The following SPDYE10 variants were observed in gnomAD, a reference collection of about 807,000 sequenced individuals.
SPDYE10 encodes the protein speedy/RINGO cell cycle regulator family member E10.
chr7:73,137,480 C>G, the SPDYE10 span, among the ~76,000 whole-genome samples: 1 of 148,554 alleles, frequency 6.7e-6, no homozygotes, highest in Non-Finnish European at 1.5e-5. Flanking sequence ...CAAGATCGTG[C>G]TGCTGCACTC....
the SPDYE10 span, among the ~76,000 whole-genome samples, chr7:73,137,844 G>T: frequency 1.3e-5 from 1 of 78,084 alleles, no homozygotes; most frequent in Non-Finnish European, 2.5e-5. Context: ...GGGAGGGGAA[G>T]GAGAGGAGAA....
the SPDYE10 span, among the ~76,000 whole-genome samples, chr7:73,149,357 A>G: frequency 7.4e-6 from 1 of 135,994 alleles, no homozygotes; most frequent in South Asian, 2.6e-4. Flanking sequence ...GCGCAATCTC[A>G]GCTCACTGCA....
At chr7:73,138,531 A>T in the SPDYE10 span, among the ~76,000 whole-genome samples, 1 of 147,988 alleles carries the variant, frequency 6.8e-6, no homozygotes, top group Non-Finnish European at 1.5e-5. Context: ...GGCGCGCACC[A>T]CCACGCCCAG....
chr7:73,151,983 C>T, the SPDYE10 span, among the ~76,000 whole-genome samples: 1 of 151,218 alleles, frequency 6.6e-6, no homozygotes, highest in African/African-American at 2.4e-5. Flanking sequence ...TTTGTTTCAC[C>T]TGCTTTTTTT....
At chr7:73,114,764 C>A in the SPDYE10 span, among the ~76,000 whole-genome samples, 20 of 150,342 alleles carry the variant, frequency 1.3e-4, no homozygotes, top group Non-Finnish European at 2.1e-4. Context: ...TCTTGAACTC[C>A]CAAGCTCAAA....
the SPDYE10 span, among the ~76,000 whole-genome samples, chr7:73,127,328 A>G: frequency 7.5e-5 from 7 of 93,202 alleles, no homozygotes; most frequent in Non-Finnish European, 1.3e-4. Flanking sequence ...ATGTGGGCAG[A>G]TCAGCAGAGG....
At chr7:73,130,443 TTTTA>T in the SPDYE10 span, among the ~76,000 whole-genome samples, 5 of 152,024 alleles carry the variant, frequency 3.3e-5, no homozygotes, top group Non-Finnish European at 7.4e-5. Context: ...ATTTTGTTTG[TTTTA>T]TTTATTTAGT....
chr7:73,143,030 G>A, the SPDYE10 span, among the ~76,000 whole-genome samples: 238 of 137,744 alleles, frequency 1.7e-3, no homozygotes, highest in African/African-American at 4.9e-3. Flanking sequence ...AAGGAAGGAA[G>A]GAAAGAAGGA....
the SPDYE10 span, among the ~76,000 whole-genome samples, chr7:73,141,070 C>CCA: frequency 0.04 from 5,455 of 135,536 alleles, 41 homozygotes; most frequent in Non-Finnish European, 0.049. Flanking sequence ...TCCATTTCTA[C>CCA]CACACACACA....
the SPDYE10 span, among the ~76,000 whole-genome samples, chr7:73,114,087 AG>A: frequency 7.9e-6 from 1 of 126,824 alleles, no homozygotes; most frequent in Admixed American, 8.4e-5. Flanking sequence ...GCTACTCGGG[AG>A]GCTGAGGTGA....
At chr7:73,114,096 T>C in the SPDYE10 span, among the ~76,000 whole-genome samples, 1 of 122,380 alleles carries the variant, frequency 8.2e-6, no homozygotes. Flanking sequence ...GAGGCTGAGG[T>C]GAGAGAATCG....
chr7:73,145,123 CTTTT>C, the SPDYE10 span, among the ~76,000 whole-genome samples: 3 of 134,786 alleles, frequency 2.2e-5, no homozygotes, highest in African/African-American at 3.3e-5. Context: ...TTCTTTCTTT[CTTTT>C]CTTTCTTTCT....
the SPDYE10 span, among the ~76,000 whole-genome samples, chr7:73,150,915 T>A: frequency 2.9e-4 from 5 of 17,146 alleles, no homozygotes; most frequent in African/African-American, 5.5e-4. Context: ...AAAATATATA[T>A]ATATATATAT....
At chr7:73,116,958 C>A in the SPDYE10 span, among the ~76,000 whole-genome samples, 1 of 151,900 alleles carries the variant, frequency 6.6e-6, no homozygotes, top group East Asian at 1.9e-4. Context: ...TGCAGTGGTG[C>A]AATCTCGTCT....
chr7:73,123,558 C>G, the SPDYE10 span, among the ~76,000 whole-genome samples: 1 of 152,202 alleles, frequency 6.6e-6, no homozygotes, highest in Admixed American at 6.5e-5. Context: ...CCTCCGCCTC[C>G]CAGATTCAAG....
chr7:73,143,779 C>T, the SPDYE10 span, among the ~76,000 whole-genome samples: 2 of 151,748 alleles, frequency 1.3e-5, no homozygotes, highest in Non-Finnish European at 2.9e-5. Context: ...CTCACTGCAA[C>T]CTCTGCCTCC....
At chr7:73,123,828 T>TCTCTCTCTCTCTCC in the SPDYE10 span, among the ~76,000 whole-genome samples, 1 of 150,648 alleles carries the variant, frequency 6.6e-6, no homozygotes, top group South Asian at 2.1e-4. Context: ...TCTCTCTCTC[T>TCTCTCTCTCTCTCC]GGCTGGAGTG....
the SPDYE10 span, among the ~76,000 whole-genome samples, chr7:73,138,376 TG>T: frequency 6.6e-6 from 1 of 151,304 alleles, no homozygotes. Context: ...GTGTGCTGTT[TG>T]CTTTTTTTTT....
At chr7:73,114,534 A>ATTTTTTTTT in the SPDYE10 span, among the ~76,000 whole-genome samples, 1 of 134,552 alleles carries the variant, frequency 7.4e-6, no homozygotes, top group Non-Finnish European at 1.6e-5. Context: ...TTTAAGCCCT[A>ATTTTTTTTT]TTTTTTTTTT....
Sources: allele counts gnomAD v4.1 joint callset (sites outside exome capture counted in the v4.1 genomes callset), GRCh38; gene constraint gnomAD v4.1.1; transcripts MANE v1.5; gene names NCBI Gene and HGNC (gene_info 2026-07-23, HGNC 2026-07-21).